Variants in TENM3 observed in about 807,000 individuals in gnomAD.
TENM3 encodes teneurin transmembrane protein 3.
A neutral mutation model predicts 255.1 loss-of-function variants in TENM3; 63 were observed. The ratio of observed to expected loss-of-function variants is 0.25; its 90% confidence interval spans 0.20 to 0.30. The LOEUF is 0.30. Among genes scored for constraint, TENM3 ranks in the 10% least tolerant of loss-of-function variants. TENM3 has a pLI of 1.00. For missense variants in TENM3, 2,929 were observed against 3,461.1 expected, an observed-to-expected ratio of 0.85 and a Z score of 3.86; for synonymous variants, 1,306 against 1,322.3, an observed-to-expected ratio of 0.99 and a Z score of 0.27.
chr4:181,939,597 ATC>A, the TENM3 span, among the ~76,000 whole-genome samples: 3 of 152,220 alleles, frequency 2.0e-5, no homozygotes, highest in African/African-American at 7.2e-5. Context: ...CTCTTCCGTG[ATC>A]TGTTTATTTC....
the TENM3 span, among the ~76,000 whole-genome samples, chr4:181,639,510 C>G: frequency 6.6e-6 from 1 of 152,078 alleles, no homozygotes; most frequent in Non-Finnish European, 1.5e-5. Context: ...GAGGCCGAGG[C>G]GGGTGGATCA....
chr4:182,585,794 A>G (rs145709369), intron 3 of TENM3, among the ~76,000 whole-genome samples: 69 of 152,292 alleles, frequency 4.5e-4, no homozygotes, highest in Non-Finnish European at 8.7e-4. Context: ...GCACCAAACT[A>G]TGTGTAGACT....
chr4:181,839,248 T>C, the TENM3 span, among the ~76,000 whole-genome samples: 1 of 148,416 alleles, frequency 6.7e-6, no homozygotes, highest in South Asian at 2.1e-4. Context: ...AAGAATAATA[T>C]AAAGAACTCC....
chr4:182,636,588 G>A (rs1390920031), intron 5 of TENM3, among the ~76,000 whole-genome samples: 4 of 151,916 alleles, frequency 2.6e-5, no homozygotes, highest in Admixed American at 6.6e-5. Flanking sequence ...ATGGTGGCAC[G>A]CACCTGTAGT....
the TENM3 span, among the ~76,000 whole-genome samples, chr4:181,998,676 C>T: frequency 1.6e-4 from 25 of 152,166 alleles, no homozygotes; most frequent in Non-Finnish European, 3.4e-4. Context: ...ATGACCTCAG[C>T]AGAAAAGCTC....
chr4:181,627,556 A>G, the TENM3 span, among the ~76,000 whole-genome samples: 19 of 152,056 alleles, frequency 1.2e-4, no homozygotes, highest in African/African-American at 3.6e-4. Context: ...TCATTATTCA[A>G]TTCCCACCTA....
the TENM3 span, among the ~76,000 whole-genome samples, chr4:181,571,841 T>A: frequency 1.3e-5 from 2 of 152,202 alleles, no homozygotes; most frequent in African/African-American, 2.4e-5. Flanking sequence ...AAACTTTTAC[T>A]AGATTTATAA....
chr4:181,961,670 T>C, the TENM3 span, among the ~76,000 whole-genome samples: 1 of 152,188 alleles, frequency 6.6e-6, no homozygotes, highest in Non-Finnish European at 1.5e-5. Flanking sequence ...CCACCCACCT[T>C]GGCCTCCCAA....
At chr4:181,631,650 T>G in the TENM3 span, among the ~76,000 whole-genome samples, 1 of 152,184 alleles carries the variant, frequency 6.6e-6, no homozygotes, top group Non-Finnish European at 1.5e-5. Flanking sequence ...GACATTCTTC[T>G]TTTTTATCAA....
intron 1 of TENM3, among the ~76,000 whole-genome samples, chr4:182,225,533 G>A (rs1756095324): frequency 1.3e-5 from 2 of 152,162 alleles, no homozygotes; most frequent in Admixed American, 1.3e-4. Flanking sequence ...TGTGGCATGT[G>A]GAATGGTTAG....
intron 3 of TENM3, among the ~76,000 whole-genome samples, chr4:182,572,561 C>A (rs1346317568): frequency 6.6e-6 from 1 of 152,160 alleles, no homozygotes; most frequent in Non-Finnish European, 1.5e-5. Context: ...ATGCCATAGT[C>A]AGTGTTGAGA....
the TENM3 span, among the ~76,000 whole-genome samples, chr4:181,917,868 G>A: frequency 6.6e-6 from 1 of 151,762 alleles, no homozygotes; most frequent in African/African-American, 2.4e-5. Flanking sequence ...CACCATGTTG[G>A]TCAGGCTGGT....
chr4:182,687,730 T>C (rs13115104), intron 11 of TENM3, among the ~76,000 whole-genome samples: 16,219 of 151,400 alleles, frequency 0.11, 1,167 homozygotes, highest in South Asian at 0.16. Context: ...ATTCTTGCCA[T>C]ATGTATGAAA....
At chr4:182,762,418 T>C (rs780653429) in intron 22 of TENM3, among the ~76,000 whole-genome samples, 24 of 149,406 alleles carry the variant, frequency 1.6e-4, no homozygotes, top group Non-Finnish European at 3.1e-4. Flanking sequence ...AACACTAAGC[T>C]GTGTACACCA....
chr4:181,744,987 G>T, the TENM3 span, among the ~76,000 whole-genome samples: 1 of 152,132 alleles, frequency 6.6e-6, no homozygotes, highest in Non-Finnish European at 1.5e-5. Context: ...GATATTGGTC[G>T]AAAATAGGAA....
chr4:181,857,230 G>A, the TENM3 span, among the ~76,000 whole-genome samples: 7 of 152,014 alleles, frequency 4.6e-5, no homozygotes, highest in Non-Finnish European at 1.0e-4. Context: ...GAAGAGAAAT[G>A]TTTGAGAATG....
At chr4:181,742,391 A>G in the TENM3 span, among the ~76,000 whole-genome samples, 1 of 152,126 alleles carries the variant, frequency 6.6e-6, no homozygotes. Flanking sequence ...AAATATCTAT[A>G]TATCATTTAT....
At chr4:182,362,340 AGG>A (rs1766067489) in intron 3 of TENM3, among the ~76,000 whole-genome samples, 2 of 148,102 alleles carry the variant, frequency 1.4e-5, no homozygotes, top group Admixed American at 1.4e-4. Flanking sequence ...CTACAGAGGC[AGG>A]CAGGCCTCCT....
intron 3 of TENM3, among the ~76,000 whole-genome samples, chr4:182,462,600 A>G (rs986702333): frequency 1.3e-5 from 2 of 151,910 alleles, no homozygotes; most frequent in Admixed American, 6.6e-5. Context: ...ATATGTAGTT[A>G]AAACTGTTTT....
Sources: allele counts gnomAD v4.1 joint callset (sites outside exome capture counted in the v4.1 genomes callset), GRCh38; gene constraint gnomAD v4.1.1; transcripts MANE v1.5; gene names NCBI Gene and HGNC (gene_info 2026-07-23, HGNC 2026-07-21).